The following ST6GALNAC5 variants were observed in gnomAD, a reference collection of about 807,000 sequenced individuals.
ST6GALNAC5 encodes alpha-N-acetylgalactosaminide alpha-2,6-sialyltransferase 5.
Under a neutral mutation model 33.6 loss-of-function variants are expected in ST6GALNAC5, and 27 were observed. The observed-to-expected ratio is 0.80, with a 90% CI of 0.59 to 1.11. The LOEUF is 1.11. Among genes scored for constraint, ST6GALNAC5 ranks in the 50% least tolerant of loss-of-function variants. The pLI, the probability that ST6GALNAC5 is intolerant of heterozygous loss-of-function variation, is 0.00. For missense variants in ST6GALNAC5, 428 were observed against 454.0 expected, an observed-to-expected ratio of 0.94 and a Z score of 0.52; for synonymous variants, 194 against 171.2, an observed-to-expected ratio of 1.13 and a Z score of -1.04.
intron 2 of ST6GALNAC5, among the ~76,000 whole-genome samples, chr1:76,933,916 C>T (rs1015343650): frequency 3.3e-5 from 5 of 151,988 alleles, no homozygotes; most frequent in African/African-American, 1.2e-4. Context: ...CTGCCACTCC[C>T]CCTTTGTCTT....
chr1:76,936,349 A>G (rs1190979838), intron 2 of ST6GALNAC5, among the ~76,000 whole-genome samples: 2 of 152,028 alleles, frequency 1.3e-5, no homozygotes, highest in Non-Finnish European at 2.9e-5. Context: ...TTTTGTTGGT[A>G]TATACCTTTT....
intron 2 of ST6GALNAC5, among the ~76,000 whole-genome samples, chr1:76,949,725 C>T (rs1030545729): frequency 6.6e-6 from 1 of 152,138 alleles, no homozygotes. Context: ...AGGCATCCCT[C>T]CCACAGTGAC....
Position 76,934,687 on chromosome 1 carries a change from G to A in ST6GALNAC5, c.261+65945G>A, listed in dbSNP as rs554780355. Among the ~76,000 whole-genome samples the A allele has an allele frequency of 6.6e-5, 10 of 152,148 alleles. No homozygotes were observed. The South Asian group carries it at 2.1e-3, about 32-fold the overall frequency. ...GGCCTGCATGCTAAAACCTGCCGAT[G>A]TGAGAAGTAGTGAAAGCCCAGGGAG... On this transcript the variant is annotated intron_variant, in intron 2 of 4. Transcript: ENST00000477717.
chr1:77,026,531 C>A (rs200733690), intron 2 of ST6GALNAC5, among the ~76,000 whole-genome samples: 3 of 90,214 alleles, frequency 3.3e-5, no homozygotes, highest in Admixed American at 3.3e-4. Context: ...AGCTTACCAA[C>A]CCCCCAGAAG....
At chr1:77,052,369 C>A (rs1236021377) in intron 4 of ST6GALNAC5, among the ~76,000 whole-genome samples, 1 of 152,150 alleles carries the variant, frequency 6.6e-6, no homozygotes, top group Non-Finnish European at 1.5e-5. Flanking sequence ...GTTGACTGGA[C>A]CACCAGGCAT....
intron 2 of ST6GALNAC5, among the ~76,000 whole-genome samples, chr1:76,892,569 T>C (rs989488710): frequency 6.6e-6 from 1 of 152,228 alleles, no homozygotes; most frequent in Non-Finnish European, 1.5e-5. Context: ...TTTTAAATAT[T>C]CCACCCCAAT....
intron 2 of ST6GALNAC5, among the ~76,000 whole-genome samples, chr1:76,989,208 C>T (rs1017595347): frequency 1.3e-5 from 2 of 152,080 alleles, no homozygotes; most frequent in African/African-American, 2.4e-5. Flanking sequence ...CATTCTCAAC[C>T]TCTGTGAATC....
At chr1:77,028,208 A>G (rs1461695170) in intron 2 of ST6GALNAC5, among the ~76,000 whole-genome samples, 1 of 152,214 alleles carries the variant, frequency 6.6e-6, no homozygotes, top group Non-Finnish European at 1.5e-5. Flanking sequence ...ATGTCCAGAA[A>G]CAAGCACAAA....
intron 2 of ST6GALNAC5, among the ~76,000 whole-genome samples, chr1:76,956,442 A>G (rs1428918890): frequency 6.6e-6 from 1 of 152,220 alleles, no homozygotes; most frequent in African/African-American, 2.4e-5. Flanking sequence ...ATTCAGGCCC[A>G]GTAAGACTGG....
At chr1:76,979,474 T>C (rs1014787735) in intron 2 of ST6GALNAC5, among the ~76,000 whole-genome samples, 1 of 152,136 alleles carries the variant, frequency 6.6e-6, no homozygotes, top group Non-Finnish European at 1.5e-5. Flanking sequence ...AATAAATCTA[T>C]GCATTTACAA....
intron 2 of ST6GALNAC5, among the ~76,000 whole-genome samples, chr1:76,973,633 A>G (rs1053861009): frequency 3.9e-5 from 6 of 152,038 alleles, no homozygotes; most frequent in Admixed American, 3.9e-4. Context: ...CACACCCTTT[A>G]TGGCTTCTGA....
Position 77,040,270 on chromosome 1 carries a change from G to T in ST6GALNAC5, c.262-3934G>T, listed in dbSNP as rs185995692. ...GAATTGTAACATTATGTTTAGAACA[G>T]CTATTGTCATTTTATTGGCACGCCT... On this transcript the variant is annotated intron_variant, in intron 2 of 4. Coordinates refer to ENST00000477717, the MANE Select transcript of ST6GALNAC5 (RefSeq NM_030965.3). Among the ~76,000 whole-genome samples the T allele has an allele frequency of 3.3e-5, 5 of 152,318 alleles. No homozygotes were observed. The East Asian group carries it at 9.6e-4, about 29-fold the overall frequency.
chr1:77,062,653 C>CT (rs1056773334), intron 4 of ST6GALNAC5, among the ~76,000 whole-genome samples: 8 of 152,084 alleles, frequency 5.3e-5, no homozygotes, highest in African/African-American at 1.9e-4. Flanking sequence ...TCTGCAGCTG[C>CT]TTATGGTAAA....
At chr1:76,870,803 T>C (rs755436186) in intron 2 of ST6GALNAC5, among the ~76,000 whole-genome samples, 6 of 152,196 alleles carry the variant, frequency 3.9e-5, no homozygotes, top group African/African-American at 7.2e-5. Flanking sequence ...AATTATCTCA[T>C]GGAACACCAA....
intron 4 of ST6GALNAC5, among the ~76,000 whole-genome samples, chr1:77,059,395 A>T (rs1374765537): frequency 6.6e-6 from 1 of 152,172 alleles, no homozygotes; most frequent in African/African-American, 2.4e-5. Flanking sequence ...GATGAGGACT[A>T]GTCACGTATT....
rs546953834 is a variant in ST6GALNAC5 at position 76,960,649 on chromosome 1, C to T, written c.262-83555C>T. On this transcript the variant is annotated intron_variant, in intron 2 of 4. Transcript: ENST00000477717. ...CATAAAAGATGGCCAACCCCCGAAG[C>T]GGCCATTTCAGAGGCCTACCCTCAG... 7.9e-5 allele frequency among the ~76,000 whole-genome samples: 12 copies of T among 152,200 alleles called. No homozygotes were observed. In the South Asian group the frequency reaches 1.0e-3, roughly 13 times the overall value.
chr1:76,881,068 T>A (rs908890385), intron 2 of ST6GALNAC5, among the ~76,000 whole-genome samples: 2 of 152,216 alleles, frequency 1.3e-5, no homozygotes, highest in African/African-American at 4.8e-5. Context: ...TCACCTACTA[T>A]ATACTCTTTG....
At chr1:76,896,680 A>G (rs1464867978) in intron 2 of ST6GALNAC5, among the ~76,000 whole-genome samples, 4 of 152,188 alleles carry the variant, frequency 2.6e-5, no homozygotes, top group African/African-American at 9.7e-5. Context: ...GGCCAGGAAC[A>G]ATGGTAATTG....
chr1:76,921,888 C>T (rs1570674744), intron 2 of ST6GALNAC5, among the ~76,000 whole-genome samples: 1 of 152,188 alleles, frequency 6.6e-6, no homozygotes, highest in Non-Finnish European at 1.5e-5. Flanking sequence ...ACACAGAAAC[C>T]CTTACAGCAT....
Sources: gnomAD v4.1 joint callset for allele counts (sites outside exome capture counted in the v4.1 genomes callset) on GRCh38, gnomAD v4.1.1 for gene constraint, MANE v1.5 for transcripts, NCBI Gene and HGNC (gene_info 2026-07-23, HGNC 2026-07-21) for gene names.